CADM2: variants seen among roughly 807,000 people sequenced by gnomAD.
CADM2 encodes the protein cell adhesion molecule 2.
Under a neutral mutation model 49.8 loss-of-function variants are expected in CADM2, and 12 were observed. The ratio of observed to expected loss-of-function variants is 0.24; its 90% confidence interval spans 0.15 to 0.39. The LOEUF is 0.39. Ranked by LOEUF, CADM2 falls within the 10% of genes least tolerant of loss-of-function variation. The pLI, the probability that CADM2 is intolerant of heterozygous loss-of-function variation, is 1.00. For synonymous variants in CADM2, 214 were observed against 175.4 expected (o/e 1.22, Z -1.74); for missense variants, 378 against 492.3 (o/e 0.77, Z 2.20).
intron 1 of CADM2, among the ~76,000 whole-genome samples, chr3:85,579,715 G>A (rs6762733): frequency 0.51 from 78,050 of 151,922 alleles, 23,067 homozygotes; most frequent in East Asian, 0.85. Flanking sequence ...CATTTAAAAT[G>A]ATGAATGGCC....
At chr3:85,428,003 A>G (rs2036492741) in intron 1 of CADM2, among the ~76,000 whole-genome samples, 1 of 151,964 alleles carries the variant, frequency 6.6e-6, no homozygotes, top group Admixed American at 6.6e-5. Flanking sequence ...CTTTTGCATT[A>G]TTTCAACCAT....
chr3:85,636,158 C>T (rs113315099), intron 1 of CADM2, among the ~76,000 whole-genome samples: 3 of 152,022 alleles, frequency 2.0e-5, no homozygotes, highest in South Asian at 2.1e-4. Context: ...GGAAGTATTC[C>T]GGAAGAAGGC....
chr3:85,503,940 G>A (rs2040215228), intron 1 of CADM2, among the ~76,000 whole-genome samples: 1 of 152,178 alleles, frequency 6.6e-6, no homozygotes, highest in Non-Finnish European at 1.5e-5. Flanking sequence ...AGTAATTTTC[G>A]AAGTGCAGAT....
intron 1 of CADM2, among the ~76,000 whole-genome samples, chr3:85,605,164 G>C (rs547626951): frequency 1.3e-5 from 2 of 151,956 alleles, no homozygotes; most frequent in Non-Finnish European, 2.9e-5. Flanking sequence ...TATGTGTATA[G>C]AACGCAAGGG....
intron 1 of CADM2, among the ~76,000 whole-genome samples, chr3:85,247,126 G>T (rs1001026447): frequency 6.6e-6 from 1 of 151,968 alleles, no homozygotes; most frequent in African/African-American, 2.4e-5. Flanking sequence ...TAAAATAAAT[G>T]TCATGTCTAA....
chr3:84,976,539 A>C (rs1292859380), intron 1 of CADM2, among the ~76,000 whole-genome samples: 1 of 151,874 alleles, frequency 6.6e-6, no homozygotes, highest in Non-Finnish European at 1.5e-5. Flanking sequence ...AATACAATAA[A>C]AACCACTTAT....
intron 1 of CADM2, among the ~76,000 whole-genome samples, chr3:85,623,689 T>A (rs2064040345): frequency 6.6e-6 from 1 of 152,184 alleles, no homozygotes; most frequent in Non-Finnish European, 1.5e-5. Context: ...TATAGAGAAG[T>A]TTGATATATA....
chr3:85,638,792 G>T (rs1360746868), intron 1 of CADM2, among the ~76,000 whole-genome samples: 1 of 151,568 alleles, frequency 6.6e-6, no homozygotes, highest in Non-Finnish European at 1.5e-5. Flanking sequence ...TTTCATCACA[G>T]AATATAATAT....
At chr3:85,287,402 C>T (rs1299586687) in intron 1 of CADM2, among the ~76,000 whole-genome samples, 1 of 151,958 alleles carries the variant, frequency 6.6e-6, no homozygotes, top group Non-Finnish European at 1.5e-5. Flanking sequence ...AACAGTCTTA[C>T]ATGGCTGAGT....
intron 1 of CADM2, among the ~76,000 whole-genome samples, chr3:85,433,140 CTTTT>C (rs67960974): frequency 1.5e-3 from 227 of 151,176 alleles, no homozygotes; most frequent in African/African-American, 5.0e-3. Context: ...TCTGAGTCCT[CTTTT>C]TTTTTCTAAA....
At chr3:85,876,087 G>C (rs1001855689) in intron 3 of CADM2, among the ~76,000 whole-genome samples, 1 of 152,116 alleles carries the variant, frequency 6.6e-6, no homozygotes, top group African/African-American at 2.4e-5. Context: ...TTTAAGTTAG[G>C]AAATGAAACT....
chr3:84,971,954 G>A (rs1288371409), intron 1 of CADM2, among the ~76,000 whole-genome samples: 1 of 152,082 alleles, frequency 6.6e-6, no homozygotes, highest in Non-Finnish European at 1.5e-5. Flanking sequence ...TGTGGAAGTG[G>A]TAGTGAGATT....
In CADM2 at chr3:85,553,307, C is replaced by CTT. The variant is rs5850693; in HGVS notation, c.62-173208_62-173207dup. Reference sequence around the variant, plus strand: ...AGATCTAGTTTATTGTGTTTTATTTCTTTTTTTTAAACAAAGAAGATACTA... The same window carrying CTT: ...AGATCTAGTTTATTGTGTTTTATTTCTTTTTTTTTTAAACAAAGAAGATACTA... On this transcript the variant is annotated intron_variant, in intron 1 of 9. Transcript: ENST00000383699. Among the ~76,000 whole-genome samples the CTT allele has an allele frequency of 4.0e-5, 6 of 151,352 alleles. No homozygotes were observed. In the East Asian group the frequency reaches 9.8e-4, roughly 25 times the overall value.
At chr3:85,925,290 T>G (rs1326241707) in intron 6 of CADM2, among the ~76,000 whole-genome samples, 1 of 152,180 alleles carries the variant, frequency 6.6e-6, no homozygotes, top group East Asian at 1.9e-4. Context: ...TGCAGATGTA[T>G]AACAGTTTTA....
At chr3:85,678,523 T>C (rs370376548) in intron 1 of CADM2, among the ~76,000 whole-genome samples, 1 of 152,298 alleles carries the variant, frequency 6.6e-6, no homozygotes, top group Admixed American at 6.5e-5. Context: ...CGATGTCAGA[T>C]TGATCTCTTA....
At chr3:84,984,050 C>T (rs1872551) in intron 1 of CADM2, among the ~76,000 whole-genome samples, 25,607 of 67,974 alleles carry the variant, frequency 0.38, 2,794 homozygotes, top group African/African-American at 0.57. Context: ...TATATATATA[C>T]ACACACACAC....
chr3:85,588,745 A>G (rs906211457), intron 1 of CADM2, among the ~76,000 whole-genome samples: 7 of 151,988 alleles, frequency 4.6e-5, no homozygotes, highest in African/African-American at 1.7e-4. Flanking sequence ...TTTTGAGGCC[A>G]GTAAGAAAAG....
intron 3 of CADM2, among the ~76,000 whole-genome samples, chr3:85,807,699 T>G (rs1021187937): frequency 6.6e-6 from 1 of 152,084 alleles, no homozygotes; most frequent in Non-Finnish European, 1.5e-5. Flanking sequence ...ACTAGACATA[T>G]TTCAAGTACT....
rs537957579 is a variant in CADM2 at position 85,468,102 on chromosome 3, C to G, written c.62-258420C>G. 3.0e-5 allele frequency among the ~76,000 whole-genome samples: 4 copies of G among 132,656 alleles called. No individual in the cohort carries two copies. In the East Asian group the frequency reaches 9.3e-4, roughly 31 times the overall value. The allele number at this position is 132,656 out of a possible 152,430, so 87.0% of individuals were successfully genotyped here. A position where few individuals can be genotyped will look rare whatever the true frequency, so the allele number is the denominator to read the frequency against. ...CCGGGAGGCGGAGCTTGCAGTGAGC[C>G]GAGATCCCGCCACTGCACTCCAGCC... is the stretch of plus-strand genomic sequence containing the variant. On this transcript the variant is annotated intron_variant, in intron 1 of 9. Transcript: ENST00000383699.
Sources: allele counts gnomAD v4.1 joint callset (sites outside exome capture counted in the v4.1 genomes callset), GRCh38; gene constraint gnomAD v4.1.1; transcripts MANE v1.5; gene names NCBI Gene and HGNC (gene_info 2026-07-23, HGNC 2026-07-21).